Variants in JADE2 observed in about 807,000 individuals in gnomAD.
JADE2 encodes the protein E3 ubiquitin-protein ligase Jade-2.
A neutral mutation model predicts 85.7 loss-of-function variants in JADE2; 13 were observed. That is an observed-to-expected ratio of 0.15 (90% CI 0.10 to 0.24). The LOEUF is 0.24. Ranked by LOEUF, JADE2 falls within the 10% of genes least tolerant of loss-of-function variation. The probability of loss-of-function intolerance (pLI) is 1.00; values close to 1 mark genes in which losing one functional copy is unlikely to be tolerated. For missense variants in JADE2, 846 were observed against 1,115.9 expected, an observed-to-expected ratio of 0.76 and a Z score of 3.45; for synonymous variants, 440 against 456.1, an observed-to-expected ratio of 0.96 and a Z score of 0.45.
intron 1 of JADE2, chr5:134,526,511 T>C: frequency 1.0e-6 from 1 of 985,308 alleles, no homozygotes; most frequent in Non-Finnish European, 1.2e-6. Context: ...AGTTTCATTT[T>C]GTTGATACGC....
chr5:134,524,952 A>G (rs1028104122), upstream of JADE2, among the ~76,000 whole-genome samples: 23 of 152,120 alleles, frequency 1.5e-4, no homozygotes, highest in Non-Finnish European at 4.4e-5. Flanking sequence ...TCGCATTTTA[A>G]AACCAGCGAT....
intron 9 of JADE2, among the ~76,000 whole-genome samples, chr5:134,570,399 G>A (rs752518991): frequency 6.6e-6 from 1 of 152,062 alleles, no homozygotes; most frequent in African/African-American, 2.4e-5. Flanking sequence ...TCCCCTCTGC[G>A]GGTCCTTTTC....
At chr5:134,575,921 C>T (rs1764336668) in intron 10 of JADE2, among the ~76,000 whole-genome samples, 1 of 152,042 alleles carries the variant, frequency 6.6e-6, no homozygotes, top group East Asian at 1.9e-4. Flanking sequence ...ACAGATGTGG[C>T]CAGGCACAGT....
intron 1 of JADE2, chr5:134,526,601 G>T: frequency 1.0e-6 from 1 of 985,442 alleles, no homozygotes; most frequent in Non-Finnish European, 1.2e-6. Flanking sequence ...TCCGGTCCCA[G>T]ACACCTTCCG....
chr5:134,577,142 A>T (rs976973299), intron 11 of JADE2: 17 of 453,890 alleles, frequency 3.7e-5, no homozygotes, highest in Non-Finnish European at 6.6e-5. Context: ...GGCCACGCCC[A>T]CTCAGGAACT....
Position 134,573,674 on chromosome 5 carries a change from G to A in JADE2, c.1464G>A (p.Arg488=). ...GAAATCTGTGCTACATGGTGACAAG[G>A]CGCGAGAGAACGAAACACGCCATCT... ...RVRNLCYMVT[R]RERTKHAICK... The change falls in exon 10 of 12, where the codon AGG becomes AGA. Residue 488 remains arginine, a synonymous_variant. Coordinates refer to ENST00000681547, the MANE Select transcript of JADE2 (RefSeq NM_001388185.1). 2.5e-6 allele frequency: 4 copies of A among 1,613,820 alleles called. No homozygotes were observed. The highest frequency in any genetic ancestry group is 3.4e-6 in the Non-Finnish European group (4 of 1,179,674).
intron 1 of JADE2, chr5:134,526,722 A>G: frequency 1.0e-6 from 1 of 984,602 alleles, no homozygotes; most frequent in Non-Finnish European, 1.2e-6. Flanking sequence ...CACAAATTAG[A>G]CAGTTTTTTT....
At chr5:134,533,433 C>T in intron 1 of JADE2, 8 of 605,716 alleles carry the variant, frequency 1.3e-5, no homozygotes, top group Non-Finnish European at 1.7e-5. Context: ...GGAGGTATGT[C>T]TTTCCCAAGG....
chr5:134,568,882 C>T (rs1208353525), intron 9 of JADE2, among the ~76,000 whole-genome samples: 2 of 152,212 alleles, frequency 1.3e-5, no homozygotes, highest in Non-Finnish European at 2.9e-5. Context: ...GGCCCAGTCT[C>T]GGACCGTGGC....
At chr5:134,574,814 C>G (rs1238239358) in intron 10 of JADE2, 1 of 152,256 alleles carries the variant, frequency 6.6e-6, no homozygotes, top group Non-Finnish European at 1.5e-5. Flanking sequence ...TGAGCATGGA[C>G]TGGATAGGGT....
intron 4 of JADE2, among the ~76,000 whole-genome samples, chr5:134,556,674 GCACA>G (rs200331658): frequency 3.6e-5 from 2 of 55,294 alleles, no homozygotes; most frequent in African/African-American, 1.5e-4. Flanking sequence ...CATACCACAT[GCACA>G]CACACACACA....
At chr5:134,540,849 C>T (rs879639209) in intron 3 of JADE2, among the ~76,000 whole-genome samples, 10 of 152,180 alleles carry the variant, frequency 6.6e-5, no homozygotes, top group Non-Finnish European at 1.2e-4. Context: ...ACCTCCCAGG[C>T]GCAAGGCTGC....
Position 134,579,545 on chromosome 5 carries a change from C to T in JADE2, c.*228C>T. ...TTCCACGGCTCCGGCCGCTAGGACC[C>T]TGCCAGGTCCCGCGCACCATCCCTG... On this transcript the variant is annotated 3_prime_UTR_variant, in exon 12 of 12. Coordinates refer to ENST00000681547, the MANE Select transcript of JADE2 (RefSeq NM_001388185.1). The surrounding 1 kb of genome is among the most constrained non-coding windows in gnomAD (Gnocchi z 4.6). 1 of 539,616 alleles carries T rather than the reference C, an allele frequency of 1.9e-6. No homozygotes were observed. Among genetic ancestry groups the T allele is most frequent in the Non-Finnish European group, 3.3e-6 (1 of 304,224 alleles). 33.4% of individuals were successfully genotyped at this position (539,616 alleles called of 1,614,324 possible). A position where few individuals can be genotyped will look rare whatever the true frequency, so the allele number is the denominator to read the frequency against.
At chr5:134,567,329 T>G (rs1440587763) in intron 9 of JADE2, among the ~76,000 whole-genome samples, 1 of 152,136 alleles carries the variant, frequency 6.6e-6, no homozygotes, top group Admixed American at 6.5e-5. Context: ...TCCCAGAGTC[T>G]GGAATGGGTG....
In JADE2 at chr5:134,579,402, T is replaced by A; in HGVS notation, c.*85T>A. 1 of 1,119,152 alleles carries A rather than the reference T, an allele frequency of 8.9e-7. No homozygotes were observed. The highest frequency in any genetic ancestry group is 1.2e-6 in the Non-Finnish European group (1 of 802,976). 69.3% of individuals were successfully genotyped at this position (1,119,152 alleles called of 1,614,324 possible). On this transcript the variant is annotated 3_prime_UTR_variant, in exon 12 of 12. Transcript: ENST00000681547. The surrounding 1 kb of genome is among the most constrained non-coding windows in gnomAD (Gnocchi z 4.6). ...CACAACTGCCATTTCCAGTCTCTGC[T>A]GAGTGTCCCAGACCCTCGAGGCTGC...
intron 3 of JADE2, among the ~76,000 whole-genome samples, chr5:134,548,710 C>G (rs114793701): frequency 0.014 from 2,097 of 152,322 alleles, 17 homozygotes; most frequent in Non-Finnish European, 0.021. Flanking sequence ...CCCTTCCTGC[C>G]CTGAGTTCTC....
At chr5:134,558,189 G>A (rs1212565959) in intron 4 of JADE2, among the ~76,000 whole-genome samples, 3 of 50,834 alleles carry the variant, frequency 5.9e-5, no homozygotes, top group Admixed American at 2.5e-4. Flanking sequence ...CTTTTGAGAA[G>A]TGTCTGTTCA....
chr5:134,557,061 C>T (rs1466272966), intron 4 of JADE2, among the ~76,000 whole-genome samples: 1 of 145,134 alleles, frequency 6.9e-6, no homozygotes, highest in Non-Finnish European at 1.5e-5. Flanking sequence ...TCACACATCA[C>T]ATAAAACACA....
chr5:134,553,856 G>C (rs993704839), intron 4 of JADE2, among the ~76,000 whole-genome samples: 1 of 152,226 alleles, frequency 6.6e-6, no homozygotes, highest in Non-Finnish European at 1.5e-5. Context: ...GGCCGCTCTT[G>C]TCAGGAGGAG....
Sources: gnomAD v4.1 joint callset for allele counts (sites outside exome capture counted in the v4.1 genomes callset) on GRCh38, gnomAD v4.1.1 for gene constraint, Gnocchi (gnomAD v3.1) non-coding constraint, MANE v1.5 for transcripts, NCBI Gene and HGNC (gene_info 2026-07-23, HGNC 2026-07-21) for gene names.